Variants in ADCY2 observed in about 807,000 individuals in gnomAD.
ADCY2 encodes the protein adenylate cyclase type 2.
ADCY2 carries 31 observed loss-of-function variants against 125.2 expected under a neutral mutation model. The ratio of observed to expected loss-of-function variants is 0.25; its 90% CI spans 0.19 to 0.33. ADCY2 has a LOEUF of 0.33. Ranked by LOEUF, ADCY2 falls within the 10% of genes least tolerant of loss-of-function variation. The pLI is 1.00. For missense variants in ADCY2, 904 were observed against 1,418.2 expected (o/e 0.64, Z 5.82); for synonymous variants, 512 against 548.4 (o/e 0.93, Z 0.93).
At position 7,612,211 on chromosome 5, in the gene ADCY2, C is replaced by G. The variant is rs560101671; in HGVS notation, c.571-13956C>G. ...GGAATCATTTCCCATTTAGAAGTCA[C>G]CTAATTAGGTATTTAGAACATCATG... On this transcript the variant is annotated intron_variant, in intron 3 of 24. Transcript: ENST00000338316. Among the ~76,000 whole-genome samples, 3 of 152,240 alleles carry G rather than the reference C, an allele frequency of 2.0e-5. No homozygotes were observed. The East Asian group carries it at 5.8e-4, about 29-fold the overall frequency.
At chr5:7,456,536 C>T (rs962391818) in intron 2 of ADCY2, among the ~76,000 whole-genome samples, 4 of 152,096 alleles carry the variant, frequency 2.6e-5, no homozygotes, top group East Asian at 1.9e-4. Context: ...AATATTATTG[C>T]GATCAGGCTC....
At chr5:7,743,305 G>A (rs1017368964) in intron 14 of ADCY2, among the ~76,000 whole-genome samples, 1 of 151,906 alleles carries the variant, frequency 6.6e-6, no homozygotes, top group African/African-American at 2.4e-5. Context: ...CCTTAAGGCG[G>A]CAGCTGCCAG....
chr5:7,523,851 A>G (rs1734348572), intron 3 of ADCY2, among the ~76,000 whole-genome samples: 1 of 152,244 alleles, frequency 6.6e-6, no homozygotes, highest in Non-Finnish European at 1.5e-5. Context: ...TTGCCCGCAA[A>G]CTATAGTCAA....
chr5:7,512,061 A>G (rs1418559815), intron 2 of ADCY2, among the ~76,000 whole-genome samples: 3 of 151,668 alleles, frequency 2.0e-5, no homozygotes, highest in South Asian at 2.1e-4. Context: ...TCTCTACTAA[A>G]TATACAAACA....
chr5:7,689,761 TGATA>T (rs1740647170), intron 4 of ADCY2, among the ~76,000 whole-genome samples: 1 of 152,170 alleles, frequency 6.6e-6, no homozygotes, highest in South Asian at 2.1e-4. Context: ...GATAAAGATG[TGATA>T]GATAAAGTGT....
chr5:7,529,870 G>A (rs190177685), intron 3 of ADCY2, among the ~76,000 whole-genome samples: 3 of 152,294 alleles, frequency 2.0e-5, no homozygotes, highest in East Asian at 1.9e-4. Flanking sequence ...TCTGACAGCC[G>A]TTTCAGTTCC....
intron 3 of ADCY2, among the ~76,000 whole-genome samples, chr5:7,625,189 T>TAACA (rs1738081473): frequency 6.6e-6 from 1 of 152,234 alleles, no homozygotes; most frequent in African/African-American, 2.4e-5. Context: ...TATTAATAAG[T>TAACA]ATTGAACAAT....
intron 3 of ADCY2, among the ~76,000 whole-genome samples, chr5:7,557,235 A>AG (rs1491306422): frequency 6.5e-4 from 94 of 144,870 alleles, no homozygotes; most frequent in Non-Finnish European, 1.1e-3. Flanking sequence ...ACAAGTAAAC[A>AG]GGGGAAGAGA....
intron 3 of ADCY2, among the ~76,000 whole-genome samples, chr5:7,598,085 C>A (rs761926037): frequency 1.3e-5 from 2 of 152,164 alleles, no homozygotes; most frequent in South Asian, 4.1e-4. Flanking sequence ...ATACAAGATA[C>A]GCATGGTGTG....
Position 7,766,847 on chromosome 5 carries a change from G to A in ADCY2, c.2214+41G>A, listed in dbSNP as rs532253629. 5 of 1,598,694 alleles carry A rather than the reference G, an allele frequency of 3.1e-6. No homozygotes were observed. In the African/African-American group the frequency reaches 5.4e-5, roughly 17 times the overall value. On this transcript the variant is annotated intron_variant, in intron 17 of 24. Transcript: ENST00000338316. The stretch of plus-strand genomic sequence containing the variant: ...TTATGACTGCTTTGGTGGCTCTCCT[G>A]TATGCTCGTAGTCTGTATAACATAT...
At chr5:7,766,859 T>G in intron 17 of ADCY2, 53 bp downstream of exon 17, 1 of 1,587,450 alleles carries the variant, frequency 6.3e-7, no homozygotes, top group Non-Finnish European at 8.5e-7. Context: ...ATGCTCGTAG[T>G]CTGTATAACA....
chr5:7,670,638 A>G (rs1028343127), intron 4 of ADCY2, among the ~76,000 whole-genome samples: 28 of 152,110 alleles, frequency 1.8e-4, no homozygotes, highest in Non-Finnish European at 1.5e-5. Flanking sequence ...GTAGAAGACA[A>G]TTTTTCCACA....
intron 24 of ADCY2, among the ~76,000 whole-genome samples, chr5:7,826,327 G>T (rs1745477176): frequency 2.0e-5 from 3 of 152,002 alleles, no homozygotes; most frequent in Non-Finnish European, 2.9e-5. Context: ...ATCTATTTTG[G>T]TTTACTCTCT....
At chr5:7,566,913 T>C (rs993325841) in intron 3 of ADCY2, among the ~76,000 whole-genome samples, 2 of 152,222 alleles carry the variant, frequency 1.3e-5, no homozygotes, top group Non-Finnish European at 2.9e-5. Context: ...GTGTTCATTA[T>C]AGTTTATTTC....
intron 3 of ADCY2, among the ~76,000 whole-genome samples, chr5:7,580,418 TCTGGAA>T (rs1736392258): frequency 6.6e-6 from 1 of 152,116 alleles, no homozygotes; most frequent in African/African-American, 2.4e-5. Context: ...ATATTAAAAT[TCTGGAA>T]CTGGAAATCT....
intron 2 of ADCY2, among the ~76,000 whole-genome samples, chr5:7,517,946 C>T (rs1407276424): frequency 6.6e-6 from 1 of 152,000 alleles, no homozygotes; most frequent in Non-Finnish European, 1.5e-5. Context: ...AACTCTGGTA[C>T]CTGAAATTAT....
intron 4 of ADCY2, chr5:7,654,082 C>G (rs1182806373): frequency 4.4e-6 from 2 of 456,048 alleles, no homozygotes; most frequent in Admixed American, 2.4e-5. Flanking sequence ...CATTTACCAC[C>G]CTGAGGCTGG....
At chr5:7,594,043 G>T (rs1200652893) in intron 3 of ADCY2, among the ~76,000 whole-genome samples, 3 of 152,142 alleles carry the variant, frequency 2.0e-5, no homozygotes, top group Non-Finnish European at 2.9e-5. Flanking sequence ...ACCACAAATA[G>T]CTTGGGAAGT....
Position 7,508,246 on chromosome 5 carries a change from A to C in ADCY2, c.409-12492A>C, listed in dbSNP as rs73046343. On this transcript the variant is annotated intron_variant, in intron 2 of 24. Transcript: ENST00000338316. The stretch of plus-strand genomic sequence containing the variant: ...ATTTTTAGGTTTGTGTTACCGTAAC[A>C]TCTTACTTCTGACCAAAGTTTTATT... Among the ~76,000 whole-genome samples the C allele has an allele frequency of 6.4e-4, 97 of 152,322 alleles. 1 individual carries two copies. The highest frequency in any genetic ancestry group is 6.8e-3 in the Middle Eastern group (2 of 294).
Sources: gnomAD v4.1 joint callset for allele counts (sites outside exome capture counted in the v4.1 genomes callset) on GRCh38, gnomAD v4.1.1 for gene constraint, MANE v1.5 for transcripts, NCBI Gene and HGNC (gene_info 2026-07-23, HGNC 2026-07-21) for gene names.